The following BICD2 variants were observed in gnomAD, a reference collection of about 807,000 sequenced individuals.
BICD2 encodes protein bicaudal D homolog 2.
Under a neutral mutation model 72.9 loss-of-function variants are expected in BICD2, and 25 were observed. The observed-to-expected ratio is 0.34, with a 90% CI of 0.25 to 0.48. The LOEUF (loss-of-function observed/expected upper bound fraction) is 0.48. Ranked by LOEUF, BICD2 falls within the 20% of genes least tolerant of loss-of-function variation. The pLI is 0.99. For missense variants in BICD2, 894 were observed against 1,175.2 expected (o/e 0.76, Z 3.50); for synonymous variants, 501 against 516.1 (o/e 0.97, Z 0.40).
At position 92,722,679 on chromosome 9, in the gene BICD2, C is replaced by T; in HGVS notation, c.583G>A (p.Val195Met). 6.2e-7 allele frequency: 1 copy of T among 1,614,248 alleles called. No homozygotes were observed. Among genetic ancestry groups the T allele is most frequent in the Non-Finnish European group, 8.5e-7 (1 of 1,180,040 alleles). ...ACCTGGTTCTGTCTGAGCACAGACA[C>T]TTGCTTCTGCAGGCTGATGTTCTCC... Reference protein sequence around the residue: ...EEENISLQKQVSVLRQNQVEF... With the variant: ...EEENISLQKQMSVLRQNQVEF... The change falls in exon 3 of 7, where the codon GTG (valine) becomes ATG (methionine). Residue 195 changes from valine (V) to methionine (M), a missense_variant. Val to Met is a conservative substitution (Grantham distance 21). Coordinates refer to ENST00000356884, the MANE Select transcript of BICD2 (RefSeq NM_001003800.2).
intron 1 of BICD2, among the ~76,000 whole-genome samples, chr9:92,731,407 T>C (rs964064426): frequency 1.3e-5 from 2 of 151,492 alleles, no homozygotes; most frequent in African/African-American, 2.4e-5. Context: ...CACACTGAGA[T>C]ACAGACTTCC....
chr9:92,756,067 A>G (rs985844115), intron 1 of BICD2, among the ~76,000 whole-genome samples: 4 of 152,204 alleles, frequency 2.6e-5, no homozygotes, highest in Non-Finnish European at 5.9e-5. Flanking sequence ...ATGGTAGGAC[A>G]GTGACAATAC....
intron 2 of BICD2, among the ~76,000 whole-genome samples, chr9:92,727,326 G>C (rs1299551908): frequency 6.6e-6 from 1 of 152,206 alleles, no homozygotes; most frequent in Non-Finnish European, 1.5e-5. Context: ...GCAGAGGGTG[G>C]TGCTCCTGTG....
intron 1 of BICD2, among the ~76,000 whole-genome samples, chr9:92,743,354 G>C (rs1050084616): frequency 8.3e-6 from 1 of 120,598 alleles, no homozygotes; most frequent in African/African-American, 2.8e-5. Context: ...CACCATGCCA[G>C]CTTTTTTTTT....
At chr9:92,757,887 T>A (rs914875791) in intron 1 of BICD2, among the ~76,000 whole-genome samples, 6 of 152,116 alleles carry the variant, frequency 3.9e-5, no homozygotes, top group African/African-American at 1.2e-4. Context: ...TGTGGAAACA[T>A]CCAACAAAGA....
At chr9:92,758,634 T>G (rs1324737443) in intron 1 of BICD2, among the ~76,000 whole-genome samples, 1 of 144,238 alleles carries the variant, frequency 6.9e-6, no homozygotes, top group Non-Finnish European at 1.5e-5. Flanking sequence ...GCGGATCACC[T>G]GAGGTCAGGA....
intron 1 of BICD2, among the ~76,000 whole-genome samples, chr9:92,737,646 C>T (rs12378033): frequency 0.036 from 5,556 of 152,290 alleles, 156 homozygotes; most frequent in Middle Eastern, 0.088. Context: ...GTTACAGTTA[C>T]CTTTGCGGTT....
In BICD2 at chr9:92,714,626, T is replaced by C. The variant is rs1853264325; in HGVS notation, c.*528A>G. On this transcript the variant is annotated 3_prime_UTR_variant, in exon 7 of 7. Transcript: ENST00000356884. ...TTCCTGAATATGATTTGCAGTCAGA[T>C]ACTGCATAAACTACAACGTACTCCT... The C allele has an allele frequency of 1.0e-6, 1 of 985,820 alleles. No individual in the cohort carries two copies. Among genetic ancestry groups the C allele is most frequent in the South Asian group, 4.7e-5 (1 of 21,316 alleles). The allele number at this position is 985,820 out of a possible 1,614,324, so 61.1% of individuals were successfully genotyped here.
intron 2 of BICD2, among the ~76,000 whole-genome samples, chr9:92,724,391 G>A (rs1227807098): frequency 2.0e-5 from 3 of 152,196 alleles, no homozygotes; most frequent in African/African-American, 7.2e-5. Flanking sequence ...CAACAGAGAG[G>A]GGAGGAGAGT....
chr9:92,731,567 G>A (rs1194917046), intron 1 of BICD2, among the ~76,000 whole-genome samples: 1 of 152,114 alleles, frequency 6.6e-6, no homozygotes, highest in Non-Finnish European at 1.5e-5. Flanking sequence ...ACTAGATAGT[G>A]AGAGACAGGA....
rs539281722 is a variant in BICD2 at position 92,720,912 on chromosome 9, G to A, written c.607-157C>T. On this transcript the variant is annotated intron_variant, in intron 3 of 6. Coordinates refer to ENST00000356884, the MANE Select transcript of BICD2 (RefSeq NM_001003800.2). This position sits in a 1 kb window ranked among gnomAD's most constrained non-coding sequence, Gnocchi z 5.4. ...GCCATCCTGGGAAGGGTGGCAGCCC[G>A]TCCAGGCCAAGACTGCTTCCTCTGC... is the stretch of plus-strand genomic sequence containing the variant. Among the ~76,000 whole-genome samples, 21 of 152,328 alleles carry A rather than the reference G, an allele frequency of 1.4e-4. No homozygotes were observed. In the South Asian group the frequency reaches 3.5e-3, roughly 26 times the overall value.
At chr9:92,761,696 C>A (rs569914112) in intron 1 of BICD2, among the ~76,000 whole-genome samples, 1 of 152,230 alleles carries the variant, frequency 6.6e-6, no homozygotes, top group African/African-American at 2.4e-5. Flanking sequence ...AAGTGTCTCA[C>A]GGCCACGCAG....
At chr9:92,744,623 T>G (rs1474774870) in intron 1 of BICD2, among the ~76,000 whole-genome samples, 1 of 152,040 alleles carries the variant, frequency 6.6e-6, no homozygotes, top group African/African-American at 2.4e-5. Flanking sequence ...GGGCGGATCA[T>G]GAGGTCAAGA....
At chr9:92,760,469 G>A (rs150861377) in intron 1 of BICD2, among the ~76,000 whole-genome samples, 137 of 152,294 alleles carry the variant, frequency 9.0e-4, no homozygotes, top group African/African-American at 3.1e-3. Context: ...CAGTCGCCAG[G>A]CCCTACAGGA....
rs556018162 is a variant in BICD2, at chr9:92,728,191, C to A, written c.453+833G>T. On this transcript the variant is annotated intron_variant, in intron 2 of 6. Transcript: ENST00000356884. ...GCAACCTTCCCAAATCCTGCTTTGG[C>A]CACATCGTTCCCCTGGGCTCCCCAG... 5.1e-4 allele frequency among the ~76,000 whole-genome samples: 77 copies of A among 152,362 alleles called. 1 individual carries two copies. The Middle Eastern group carries it at 0.014, about 27-fold the overall frequency.
intron 1 of BICD2, among the ~76,000 whole-genome samples, chr9:92,738,105 G>C (rs1853825231): frequency 6.6e-6 from 1 of 152,232 alleles, no homozygotes; most frequent in Non-Finnish European, 1.5e-5. Context: ...AGGCTGCCTG[G>C]GCCCACGTCC....
chr9:92,716,830 G>A (rs1318929403), intron 6 of BICD2, among the ~76,000 whole-genome samples: 1 of 152,238 alleles, frequency 6.6e-6, no homozygotes, highest in Non-Finnish European at 1.5e-5. Context: ...CAGCCAGGGA[G>A]GGGTGTGCAC....
At chr9:92,725,954 T>C (rs566834049) in intron 2 of BICD2, among the ~76,000 whole-genome samples, 1 of 152,282 alleles carries the variant, frequency 6.6e-6, no homozygotes, top group East Asian at 1.9e-4. Flanking sequence ...ATCTGGGAAA[T>C]GGAGCCACAT....
At chr9:92,749,224 G>A (rs981998719) in intron 1 of BICD2, among the ~76,000 whole-genome samples, 7 of 152,134 alleles carry the variant, frequency 4.6e-5, no homozygotes, top group Admixed American at 6.5e-5. Flanking sequence ...AGGAGGCAGC[G>A]CCCGCCCACC....
Sources: gnomAD v4.1 joint callset for allele counts (sites outside exome capture counted in the v4.1 genomes callset) on GRCh38, gnomAD v4.1.1 for gene constraint, Gnocchi (gnomAD v3.1) non-coding constraint, MANE v1.5 for transcripts, NCBI Gene and HGNC (gene_info 2026-07-23, HGNC 2026-07-21) for gene names.